The following CSE1L variants were observed in gnomAD, a reference collection of about 807,000 sequenced individuals.
The protein encoded by CSE1L is chromosome segregation 1 like.
A neutral mutation model predicts 120.4 loss-of-function variants in CSE1L; 24 were observed. The ratio of observed to expected loss-of-function variants is 0.20; its 90% CI spans 0.14 to 0.28. The LOEUF is 0.28. Among genes scored for constraint, CSE1L ranks in the 10% least tolerant of loss-of-function variants. The probability of loss-of-function intolerance (pLI) is 1.00; values close to 1 mark genes in which losing one functional copy is unlikely to be tolerated. For synonymous variants in CSE1L, 402 were observed against 398.3 expected, an observed-to-expected ratio of 1.01 and a Z score of -0.11; for missense variants, 830 against 1,145.2, an observed-to-expected ratio of 0.72 and a Z score of 3.97.
intron 5 of CSE1L, 22 bp from the exon 6 acceptor site, chr20:49,067,168 C>T (rs1421792765): frequency 6.8e-7 from 1 of 1,467,518 alleles, no homozygotes. Flanking sequence ...GTAAATTTAT[C>T]TGTTTTACCT....
chr20:49,055,730 A>G (rs2091801342), intron 1 of CSE1L, among the ~76,000 whole-genome samples: 1 of 152,128 alleles, frequency 6.6e-6, no homozygotes, highest in South Asian at 2.1e-4. Context: ...AAAAATAATA[A>G]AATTTTTTAA....
chr20:49,079,775 T>C lies in CSE1L; in HGVS notation c.1482+1153T>C, dbSNP rs575918400. On this transcript the variant is annotated intron_variant, in intron 14 of 24. Coordinates refer to ENST00000262982, the MANE Select transcript of CSE1L (RefSeq NM_001316.4). ...TCCCAGGAATACTGTGTTTTCTATT[T>C]GCATTTGGTCTAAAACAAATCCAGC... Among the ~76,000 whole-genome samples the C allele has an allele frequency of 2.0e-5, 3 of 152,230 alleles. No individual in the cohort carries two copies. The East Asian group carries it at 5.8e-4, about 29-fold the overall frequency.
chr20:49,081,295 A>AT (rs771475446), intron 14 of CSE1L, among the ~76,000 whole-genome samples: 12 of 148,894 alleles, frequency 8.1e-5, no homozygotes, highest in Non-Finnish European at 1.6e-4. Context: ...CCATTTCTTT[A>AT]TTTTTTGAAA....
chr20:49,064,781 T>C (rs149500859), intron 3 of CSE1L, among the ~76,000 whole-genome samples: 51 of 151,482 alleles, frequency 3.4e-4, no homozygotes, highest in African/African-American at 1.2e-3. Flanking sequence ...TCTATTTTGA[T>C]TTGTAAAACT....
chr20:49,084,270 G>C (rs149722793), intron 15 of CSE1L, 108 bp downstream of exon 15: 20 of 1,142,756 alleles, frequency 1.8e-5, no homozygotes, highest in Middle Eastern at 2.2e-4. Flanking sequence ...ACAAATGTCT[G>C]CTTTCTATTC....
intron 5 of CSE1L, among the ~76,000 whole-genome samples, chr20:49,066,762 C>T (rs1181771085): frequency 1.3e-5 from 2 of 151,968 alleles, no homozygotes; most frequent in Non-Finnish European, 1.5e-5. Flanking sequence ...GGCATGATGG[C>T]TCACACCTAT....
intron 14 of CSE1L, among the ~76,000 whole-genome samples, chr20:49,079,818 G>A (rs2091997145): frequency 6.6e-6 from 1 of 152,096 alleles, no homozygotes; most frequent in South Asian, 2.1e-4. Context: ...GGTGGCTTGT[G>A]CCTGTAATCC....
chr20:49,056,393 C>T (rs770735046), intron 1 of CSE1L, among the ~76,000 whole-genome samples: 5 of 152,134 alleles, frequency 3.3e-5, no homozygotes, highest in Non-Finnish European at 7.3e-5. Flanking sequence ...CGTGAGCAAC[C>T]GCGCCCAGCC....
chr20:49,049,910 C>T (rs903422648), intron 1 of CSE1L, among the ~76,000 whole-genome samples: 32 of 152,168 alleles, frequency 2.1e-4, no homozygotes, highest in African/African-American at 5.5e-4. Context: ...GCCTGTAGTC[C>T]CAGCTACTTG....
chr20:49,080,011 T>C (rs757733245), intron 14 of CSE1L, among the ~76,000 whole-genome samples: 4 of 151,930 alleles, frequency 2.6e-5, no homozygotes, highest in Non-Finnish European at 5.9e-5. Flanking sequence ...GAGGCGAAGG[T>C]TGCAGTGAGC....
chr20:49,050,775 T>C (rs2091761332), intron 1 of CSE1L, among the ~76,000 whole-genome samples: 1 of 151,998 alleles, frequency 6.6e-6, no homozygotes, highest in Non-Finnish European at 1.5e-5. Flanking sequence ...CCAAGTCTGG[T>C]CTTGAACGGT....
At chr20:49,096,072 G>GT in intron 24 of CSE1L, 1 of 576,428 alleles carries the variant, frequency 1.7e-6, no homozygotes, top group Non-Finnish European at 3.2e-6. Flanking sequence ...CGTTTCACGC[G>GT]TAAGTACCTT....
In CSE1L at chr20:49,066,377, A is replaced by G. The variant is rs778882666; in HGVS notation, c.343A>G (p.Ile115Val). 35 of 1,614,072 alleles carry G rather than the reference A, an allele frequency of 2.2e-5. No individual in the cohort carries two copies. The African/African-American group carries it at 3.6e-4, about 17-fold the overall frequency. The change falls in exon 5 of 25, where the codon ATT becomes GTT. Residue 115 changes from isoleucine (I) to valine (V), a missense_variant. Ile to Val is a conservative substitution (Grantham distance 29, BLOSUM62 3). This residue lies in a region of CSE1L where 543 missense variants were observed against 640.2 expected (regional missense o/e 0.85). Coordinates refer to ENST00000262982, the MANE Select transcript of CSE1L (RefSeq NM_001316.4). ...TTTCCTCTCCTAGTTAAGTGATGCA[A>G]TTAGCATTATTGGCAGAGAAGATTT... ...EQIQKQLSDA[I>V]SIIGREDFPQ...
intron 2 of CSE1L, among the ~76,000 whole-genome samples, chr20:49,060,184 T>TAAA (rs397839598): frequency 1.6e-4 from 21 of 133,436 alleles, no homozygotes; most frequent in African/African-American, 5.0e-4. Flanking sequence ...AATCTTGTCT[T>TAAA]AAAAAAAAAA....
chr20:49,096,328 T>TAC (rs1377918862), intron 24 of CSE1L, 21 bp from the exon 25 acceptor site: 3 of 1,592,998 alleles, frequency 1.9e-6, no homozygotes, highest in Non-Finnish European at 2.6e-6. Flanking sequence ...ACAGCCAGTG[T>TAC]GTGTTTCCCA....
chr20:49,087,307 G>C (rs2092066981), intron 16 of CSE1L, among the ~76,000 whole-genome samples: 1 of 150,170 alleles, frequency 6.7e-6, no homozygotes, highest in Non-Finnish European at 1.5e-5. Flanking sequence ...GTTTCCTTTA[G>C]GCTAGGGCTA....
chr20:49,067,276 T>G lies in CSE1L; in HGVS notation c.563T>G (p.Phe188Cys). The G allele has an allele frequency of 6.3e-7, 1 of 1,594,358 alleles. No homozygotes were observed. The highest frequency in any genetic ancestry group is 8.6e-7 in the Non-Finnish European group (1 of 1,163,828). Residue 188 changes from phenylalanine to cysteine, a missense_variant, in exon 6 of 25, where the codon TTT becomes TGT. Around this residue, in one of 4 missense-constraint regions of CSE1L, gnomAD observed 543 missense variants for 640.2 expected, o/e 0.85. Coordinates refer to ENST00000262982, the MANE Select transcript of CSE1L (RefSeq NM_001316.4). ...TTTGCTTTGCCTTTGACTAATCTTT[T>G]TAAGGTATGGAATGCATCTTGGTGA... The part of the protein sequence containing the change: ...DAFALPLTNL[F>C]KATIELCSTH...
chr20:49,093,895 C>T (rs1469593541), intron 22 of CSE1L, among the ~76,000 whole-genome samples: 1 of 150,472 alleles, frequency 6.6e-6, no homozygotes, highest in Non-Finnish European at 1.5e-5. Context: ...CCAGCCTGGG[C>T]AACAAGAGCG....
chr20:49,091,855 T>C (rs1180311703), intron 21 of CSE1L, among the ~76,000 whole-genome samples, 191 bp from the exon 22 acceptor site: 1 of 152,160 alleles, frequency 6.6e-6, no homozygotes, highest in African/African-American at 2.4e-5. Flanking sequence ...TATAAGGAAA[T>C]ATAAATCAAA....
Sources: allele counts gnomAD v4.1 joint callset (sites outside exome capture counted in the v4.1 genomes callset), GRCh38; gene constraint gnomAD v4.1.1; regional missense constraint gnomAD v4.1.1; transcripts MANE v1.5; gene names NCBI Gene and HGNC (gene_info 2026-07-23, HGNC 2026-07-21).